CAMK4: variants seen among roughly 807,000 people sequenced by gnomAD.
CAMK4 encodes the protein calcium/calmodulin dependent protein kinase IV, also known as calcium/calmodulin-dependent protein kinase type IV.
Under a neutral mutation model 44.9 loss-of-function variants are expected in CAMK4, and 22 were observed. The observed-to-expected ratio is 0.49, with a 90% CI of 0.35 to 0.70. The LOEUF is 0.70. Ranked by LOEUF, CAMK4 falls within the 30% of genes least tolerant of loss-of-function variation. The probability of loss-of-function intolerance (pLI) is 0.01; values close to 1 mark genes in which losing one functional copy is unlikely to be tolerated. For synonymous variants in CAMK4, 218 were observed against 215.4 expected (o/e 1.01, Z -0.11); for missense variants, 498 against 586.8 (o/e 0.85, Z 1.56).
chr5:111,350,260 A>G (rs1340086837), intron 2 of CAMK4, among the ~76,000 whole-genome samples: 1 of 152,058 alleles, frequency 6.6e-6, no homozygotes, highest in Non-Finnish European at 1.5e-5. Context: ...ATTCTTATTA[A>G]TTGCAATGTG....
chr5:111,388,589 A>G (rs1358110344), intron 4 of CAMK4, among the ~76,000 whole-genome samples: 1 of 152,160 alleles, frequency 6.6e-6, no homozygotes, highest in Non-Finnish European at 1.5e-5. Flanking sequence ...CCTCCAGAAT[A>G]GATTACCTGC....
chr5:111,313,783 A>G (rs1748307941), intron 1 of CAMK4, among the ~76,000 whole-genome samples: 1 of 152,164 alleles, frequency 6.6e-6, no homozygotes, highest in Non-Finnish European at 1.5e-5. Flanking sequence ...AAGGATTTCA[A>G]CAGAATACCC....
chr5:111,472,832 CT>C (rs1755110980), intron 7 of CAMK4, among the ~76,000 whole-genome samples: 1 of 152,148 alleles, frequency 6.6e-6, no homozygotes, highest in Non-Finnish European at 1.5e-5. Context: ...CTTGTCAACC[CT>C]CCTCACCACC....
At position 111,396,296 on chromosome 5, in the gene CAMK4, T is replaced by C. The variant is rs144616707; in HGVS notation, c.459+1514T>C. 4.5e-4 allele frequency among the ~76,000 whole-genome samples: 69 copies of C among 152,268 alleles called. 1 individual carries two copies. The East Asian group carries it at 0.013, about 29-fold the overall frequency. ...ATGGTGAGGGATGAAAAGTTTGAAA[T>C]GTGAGTGAATAAAACCTGGAGAGGA... On this transcript the variant is annotated intron_variant, in intron 5 of 10. Transcript: ENST00000282356.
rs1426587905 is a variant in CAMK4 at position 111,490,325 on chromosome 5, T to C, written c.*5859T>C. 6.6e-6 allele frequency: 1 copy of C among 152,164 alleles called. No homozygotes were observed. Among genetic ancestry groups the C allele is most frequent in the African/African-American group, 2.4e-5 (1 of 41,438 alleles). The allele number at this position is 152,164 out of a possible 1,614,324, so 9.4% of individuals were successfully genotyped here. ...GTAAAGGTACAGTTAAGCATAACTA[T>C]AGGCTGGGCGTGATAGTTCATGCCT... is the stretch of plus-strand genomic sequence containing the variant. On this transcript the variant is annotated 3_prime_UTR_variant, in exon 11 of 11. Coordinates refer to ENST00000282356, the MANE Select transcript of CAMK4 (RefSeq NM_001744.6).
At chr5:111,258,669 T>C (rs1749843570) in intron 1 of CAMK4, among the ~76,000 whole-genome samples, 1 of 151,690 alleles carries the variant, frequency 6.6e-6, no homozygotes, top group Admixed American at 6.6e-5. Flanking sequence ...TTCTGGGAGA[T>C]ACAATTCAAG....
At chr5:111,234,218 A>T (rs1312704614) in intron 1 of CAMK4, among the ~76,000 whole-genome samples, 1 of 152,196 alleles carries the variant, frequency 6.6e-6, no homozygotes, top group East Asian at 1.9e-4. Flanking sequence ...TAAAGCAAAT[A>T]TACAGATAAA....
intron 1 of CAMK4, among the ~76,000 whole-genome samples, chr5:111,307,189 G>T (rs1747962440): frequency 3.3e-5 from 1 of 30,338 alleles, no homozygotes; most frequent in African/African-American, 1.7e-4. Flanking sequence ...ATAGGCGTGG[G>T]CAAGGACTTC....
rs571186603 is a variant in CAMK4 at position 111,373,177 on chromosome 5, C to A, written c.241-1673C>A. ...TAAAACATCCCATGCCTCTTGATTG[C>A]CTGTATGAATAACCAAAACTTTTAT... On this transcript the variant is annotated intron_variant, in intron 2 of 10. Coordinates refer to ENST00000282356, the MANE Select transcript of CAMK4 (RefSeq NM_001744.6). 3.3e-5 allele frequency among the ~76,000 whole-genome samples: 5 copies of A among 152,152 alleles called. No individual in the cohort carries two copies. The East Asian group carries it at 9.6e-4, about 29-fold the overall frequency.
In CAMK4 at chr5:111,428,100, A is replaced by G. The variant is rs186315931; in HGVS notation, c.460-18586A>G. On this transcript the variant is annotated intron_variant, in intron 5 of 10. Transcript: ENST00000282356. ...AACAAGAGTCTCTGCCTGGTAATCC[A>G]GAGAATTCTCCCGTATTTTGTCCAA... Among the ~76,000 whole-genome samples, 268 of 152,358 alleles carry G rather than the reference A, an allele frequency of 1.8e-3. 5 individuals carry two copies. Among genetic ancestry groups the G allele is most frequent in the Admixed American group, 0.015 (235 of 15,300 alleles).
chr5:111,317,820 G>A (rs1028876401), intron 1 of CAMK4, among the ~76,000 whole-genome samples: 2 of 142,028 alleles, frequency 1.4e-5, no homozygotes, highest in African/African-American at 5.2e-5. Flanking sequence ...TGAACAACGG[G>A]CCCTGTATTG....
chr5:111,275,111 T>G (rs1195042893), intron 1 of CAMK4, among the ~76,000 whole-genome samples: 1 of 152,186 alleles, frequency 6.6e-6, no homozygotes, highest in African/African-American at 2.4e-5. Flanking sequence ...TCACCTCACA[T>G]ACTTATCAGT....
At chr5:111,326,290 A>G (rs898125017) in intron 1 of CAMK4, among the ~76,000 whole-genome samples, 2 of 152,030 alleles carry the variant, frequency 1.3e-5, no homozygotes, top group African/African-American at 4.8e-5. Context: ...AACCCTATAG[A>G]TATTGAAAAG....
At chr5:111,234,547 G>T (rs1022805924) in intron 1 of CAMK4, among the ~76,000 whole-genome samples, 1 of 152,168 alleles carries the variant, frequency 6.6e-6, no homozygotes, top group Non-Finnish European at 1.5e-5. Context: ...AATGCACTTC[G>T]TGGCAAATTT....
intron 2 of CAMK4, among the ~76,000 whole-genome samples, chr5:111,359,124 C>T (rs1750497571): frequency 6.6e-6 from 1 of 152,084 alleles, no homozygotes; most frequent in South Asian, 2.1e-4. Context: ...AATGGTAGTT[C>T]TGTTTTCAGC....
At chr5:111,466,858 T>A (rs994527744) in intron 7 of CAMK4, among the ~76,000 whole-genome samples, 1 of 152,090 alleles carries the variant, frequency 6.6e-6, no homozygotes, top group Non-Finnish European at 1.5e-5. Flanking sequence ...AAAATTCATA[T>A]GGAACCACAA....
intron 4 of CAMK4, among the ~76,000 whole-genome samples, chr5:111,389,414 T>A (rs1751721588): frequency 6.6e-6 from 1 of 152,138 alleles, no homozygotes; most frequent in South Asian, 2.1e-4. Flanking sequence ...ACAGAAGATA[T>A]TTAGGCTGAA....
intron 1 of CAMK4, among the ~76,000 whole-genome samples, chr5:111,341,157 C>T (rs1243939728): frequency 6.6e-6 from 1 of 151,144 alleles, no homozygotes; most frequent in Non-Finnish European, 1.5e-5. Flanking sequence ...ATATGTGATT[C>T]ATAAATATTT....
chr5:111,317,883 C>T (rs529132628), intron 1 of CAMK4, among the ~76,000 whole-genome samples: 16 of 91,266 alleles, frequency 1.8e-4, no homozygotes, highest in Admixed American at 1.3e-3. Context: ...ATCCTAAAGC[C>T]GGTGGAGTAA....
Sources: gnomAD v4.1 joint callset for allele counts (sites outside exome capture counted in the v4.1 genomes callset) on GRCh38, gnomAD v4.1.1 for gene constraint, MANE v1.5 for transcripts, NCBI Gene and HGNC (gene_info 2026-07-23, HGNC 2026-07-21) for gene names.